CREBZF: variants seen among roughly 807,000 people sequenced by gnomAD.
CREBZF encodes the protein HCF-binding transcription factor Zhangfei.
In CREBZF, 8 loss-of-function variants were observed where a neutral mutation model predicts 21.1. That is an observed-to-expected ratio of 0.38 (90% CI 0.22 to 0.68). The LOEUF (loss-of-function observed/expected upper bound fraction) is 0.68. Among genes scored for constraint, CREBZF ranks in the 30% least tolerant of loss-of-function variants. The pLI is 0.51. For synonymous variants in CREBZF, 270 were observed against 223.3 expected, an observed-to-expected ratio of 1.21 and a Z score of -1.86; for missense variants, 518 against 484.3, an observed-to-expected ratio of 1.07 and a Z score of -0.65.
intron 1 of CREBZF, chr11:85,682,622 T>G: frequency 3.2e-6 from 1 of 311,478 alleles, no homozygotes; most frequent in Non-Finnish European, 6.0e-6. Flanking sequence ...CAACGCGATC[T>G]TCCAGACGCG....
At chr11:85,669,555 G>C (rs1281823172), upstream of CREBZF, among the ~76,000 whole-genome samples, 14 of 152,086 alleles carry the variant, frequency 9.2e-5, no homozygotes, top group East Asian at 2.7e-3. Context: ...ATAGCAAATA[G>C]GAAAGTTTTA....
In CREBZF at chr11:85,664,675, C is replaced by T. The variant is rs1465263623; in HGVS notation, c.201G>A (p.Arg67=). ...GCACGGCCACGCCGCCGCGGCTCCC[C>T]CTCCCGGCTTCCAACTCTCCTTCGT... ...FGDEGELEAG[R]GSRGGVAVRA... Residue 67 remains arginine (R), a synonymous_variant, in exon 1 of 1, where the codon AGG becomes AGA. Transcript: ENST00000527447. The surrounding 1 kb of genome is among the most constrained non-coding windows in gnomAD (Gnocchi z 5.5). 15 of 1,602,988 alleles carry T rather than the reference C, an allele frequency of 9.4e-6. No homozygotes were observed. Among genetic ancestry groups the T allele is most frequent in the South Asian group, 1.1e-5 (1 of 90,186 alleles).
chr11:85,674,339 A>G (rs1018895520), intron 1 of CREBZF, among the ~76,000 whole-genome samples: 2 of 152,220 alleles, frequency 1.3e-5, no homozygotes, highest in African/African-American at 4.8e-5. Context: ...AACTAACTGC[A>G]TTGTCAATGA....
At chr11:85,675,026 T>C (rs1164013650) in intron 1 of CREBZF, among the ~76,000 whole-genome samples, 1 of 152,234 alleles carries the variant, frequency 6.6e-6, no homozygotes, top group Non-Finnish European at 1.5e-5. Context: ...TTGCTCTGGG[T>C]TTGGCTTCGG....
At chr11:85,681,655 C>A (rs1016119591) in intron 1 of CREBZF, among the ~76,000 whole-genome samples, 1 of 152,190 alleles carries the variant, frequency 6.6e-6, no homozygotes, top group African/African-American at 2.4e-5. Flanking sequence ...TGTTTGAGAG[C>A]TACTGTTTGT....
chr11:85,668,774 G>A (rs554228620), upstream of CREBZF, among the ~76,000 whole-genome samples: 14 of 151,376 alleles, frequency 9.2e-5, no homozygotes, highest in African/African-American at 3.4e-4. Flanking sequence ...AGGCCGAGGC[G>A]GGCGGATCAC....
chr11:85,681,962 T>C (rs1255929677), intron 1 of CREBZF, among the ~76,000 whole-genome samples: 1 of 152,122 alleles, frequency 6.6e-6, no homozygotes, highest in African/African-American at 2.4e-5. Context: ...AGAAGAATAG[T>C]TTGTATACTG....
upstream of CREBZF, among the ~76,000 whole-genome samples, chr11:85,667,899 G>A (rs2082883340): frequency 6.6e-6 from 1 of 152,170 alleles, no homozygotes; most frequent in Non-Finnish European, 1.5e-5. Context: ...GAACCTTGGA[G>A]GCGGAGGTTG....
chr11:85,679,556 T>C (rs889073607), intron 1 of CREBZF, among the ~76,000 whole-genome samples: 1 of 152,190 alleles, frequency 6.6e-6, no homozygotes. Flanking sequence ...CAAAAATGAA[T>C]ACCAAAATCC....
At chr11:85,679,624 C>A (rs754590532) in intron 1 of CREBZF, among the ~76,000 whole-genome samples, 3 of 152,126 alleles carry the variant, frequency 2.0e-5, no homozygotes, top group African/African-American at 4.8e-5. Context: ...TATACAGACA[C>A]GTGAAAATCC....
rs1475936518 is a variant in CREBZF, at chr11:85,658,677, A to G, written c.*5134T>C. 6.6e-6 allele frequency among the ~76,000 whole-genome samples: 1 copy of G among 151,706 alleles called. No homozygotes were observed. The highest frequency in any genetic ancestry group is 1.5e-5 in the Non-Finnish European group (1 of 67,814). The stretch of plus-strand genomic sequence containing the variant: ...AAAAAAAAAAGAGGGCTCACATTCT[A>G]TTTAAATTAAGACAATATATTTTAT... On this transcript the variant is annotated 3_prime_UTR_variant, in exon 1 of 1. Transcript: ENST00000527447.
chr11:85,664,347 T>A lies in CREBZF; in HGVS notation c.529A>T (p.Ser177Cys), dbSNP rs776857952. The change falls in exon 1 of 1, where the codon AGT (serine) becomes TGT (cysteine). Residue 177 changes from serine to cysteine, a missense_variant. Physicochemically the swap from Ser to Cys is moderately radical, Grantham distance 112. This residue lies in a region of CREBZF where 396 missense variants were observed against 324.4 expected (regional missense o/e 1.22). Transcript: ENST00000527447. This position sits in a 1 kb window ranked among gnomAD's most constrained non-coding sequence, Gnocchi z 5.5. ...CTCTTTTCGGCGCTGCCACTGTCAC[T>A]GCTGCTGCTGCAGCCTCCGATACCG... ...LNGIGGCSSS[S>C]DSGSAEKRRR... is the part of the protein sequence containing the mutation. 1.2e-6 allele frequency: 2 copies of A among 1,612,628 alleles called. No individual in the cohort carries two copies. The highest frequency in any genetic ancestry group is 1.7e-6 in the Non-Finnish European group (2 of 1,179,630).
chr11:85,671,516 A>G (rs528086864), intron 1 of CREBZF, among the ~76,000 whole-genome samples: 70 of 152,374 alleles, frequency 4.6e-4, no homozygotes, highest in South Asian at 4.3e-3. Flanking sequence ...CCTTCTGCCT[A>G]TAAGCCTGAA....
Position 85,664,506 on chromosome 11 carries a change from G to A in CREBZF, c.370C>T (p.Leu124Phe), listed in dbSNP as rs2082795657. 1.9e-6 allele frequency: 3 copies of A among 1,613,582 alleles called. No homozygotes were observed. Among genetic ancestry groups the A allele is most frequent in the African/African-American group, 1.3e-5 (1 of 74,902 alleles). ...RQPDWHLDPG[L>F]SSPGPLSSSG... ...GAGGAGAGAGGCCCCGGCGAGCTAA[G>A]CCCGGGGTCCAGGTGCCAGTCCGGT... Residue 124 changes from leucine (L) to phenylalanine (F), a missense_variant, in exon 1 of 1, where the codon CTT (leucine) becomes TTT (phenylalanine). Physicochemically the swap from Leu to Phe is conservative, Grantham distance 22. Coordinates refer to ENST00000527447, the MANE Select transcript of CREBZF (RefSeq NM_001039618.4). The surrounding 1 kb of genome is among the most constrained non-coding windows in gnomAD (Gnocchi z 5.5).
At chr11:85,667,824 G>A (rs999483276), upstream of CREBZF, among the ~76,000 whole-genome samples, 1 of 152,112 alleles carries the variant, frequency 6.6e-6, no homozygotes, top group African/African-American at 2.4e-5. Flanking sequence ...AAAAAAATTA[G>A]CCAGGTATGG....
rs367656416 is a variant in CREBZF at position 85,664,743 on chromosome 11, TCTC to T, written c.130_132del (p.Glu44del). On this transcript the variant is annotated inframe_deletion, in exon 1 of 1. Transcript: ENST00000527447. This position sits in a 1 kb window ranked among gnomAD's most constrained non-coding sequence, Gnocchi z 5.5. Reference sequence around the variant, plus strand: ...CGGCCGGGAGATCCGGCCGCCGCCGTCTCCTCCTCCCCCGCTGCAGCCCGGGTC... The same window carrying T: ...CGGCCGGGAGATCCGGCCGCCGCCGTCTCCTCCCCCGCTGCAGCCCGGGTC... 3.8e-4 allele frequency: 611 copies of T among 1,608,062 alleles called. 3 individuals are homozygous for T. The East Asian group carries it at 9.7e-3, about 26-fold the overall frequency.
intron 1 of CREBZF, among the ~76,000 whole-genome samples, chr11:85,681,486 GCT>G (rs1053902013): frequency 8.5e-5 from 13 of 152,150 alleles, no homozygotes; most frequent in Admixed American, 8.5e-4. Context: ...TTCTCCTGTA[GCT>G]CTCCTCTTTT....
chr11:85,663,865 C>G lies in CREBZF; in HGVS notation c.1011G>C (p.Ser337=). 6.2e-7 allele frequency: 1 copy of G among 1,610,526 alleles called. No homozygotes were observed. The highest frequency in any genetic ancestry group is 8.5e-7 in the Non-Finnish European group (1 of 1,179,676). Residue 337 remains serine (S), a synonymous_variant, in exon 1 of 1, where the codon TCG becomes TCC. Coordinates refer to ENST00000527447, the MANE Select transcript of CREBZF (RefSeq NM_001039618.4). ...VCLHVDKDKV[S]VEFCSACARK... is the part of the protein sequence containing the mutation. ...GGGCGCACGCCGAGCAGAACTCCAC[C>G]GACACCTTATCCTTGTCCACATGGA...
chr11:85,669,449 A>G (rs2082896769), upstream of CREBZF, among the ~76,000 whole-genome samples: 1 of 151,002 alleles, frequency 6.6e-6, no homozygotes, highest in African/African-American at 2.4e-5. Flanking sequence ...CTCACACACA[A>G]TCTACTTTGA....
Sources: allele counts gnomAD v4.1 joint callset (sites outside exome capture counted in the v4.1 genomes callset), GRCh38; gene constraint gnomAD v4.1.1; regional missense constraint gnomAD v4.1.1; non-coding constraint Gnocchi (gnomAD v3.1); transcripts MANE v1.5; gene names NCBI Gene and HGNC (gene_info 2026-07-23, HGNC 2026-07-21).